Variants in PPHLN1 observed in about 807,000 individuals in gnomAD.
PPHLN1 encodes the protein periphilin-1.
PPHLN1 carries 29 observed loss-of-function variants against 51.3 expected under a neutral mutation model. The ratio of observed to expected loss-of-function variants is 0.57; its 90% confidence interval spans 0.42 to 0.77. PPHLN1 has a LOEUF of 0.77. Ranked by LOEUF, PPHLN1 falls within the 30% of genes least tolerant of loss-of-function variation. The pLI, the probability that PPHLN1 is intolerant of heterozygous loss-of-function variation, is 0.00. For missense variants in PPHLN1, 436 were observed against 438.4 expected, an observed-to-expected ratio of 0.99 and a Z score of 0.05; for synonymous variants, 147 against 147.8, an observed-to-expected ratio of 0.99 and a Z score of 0.04.
chr12:42,344,109 AAT>A (rs1201714850), intron 2 of PPHLN1, among the ~76,000 whole-genome samples: 1 of 152,090 alleles, frequency 6.6e-6, no homozygotes. Context: ...AGCAGGGTAT[AAT>A]ATATATATTA....
intron 4 of PPHLN1, 130 bp from the exon 5 acceptor site, chr12:42,374,733 C>T (rs530882903): frequency 2.5e-5 from 18 of 707,986 alleles, no homozygotes; most frequent in African/African-American, 7.3e-5. Context: ...GGATTACAGG[C>T]GTGAGTCACC....
chr12:42,337,751 T>TTTTTATTTTATTTTATTTTATTTTA lies in PPHLN1; in HGVS notation c.72+1786_72+1810dup, dbSNP rs567793160. Among the ~76,000 whole-genome samples, 21 of 142,366 alleles carry TTTTTATTTTATTTTATTTTATTTTA rather than the reference T, an allele frequency of 1.5e-4. No individual in the cohort carries two copies. The South Asian group carries it at 3.0e-3, about 20-fold the overall frequency. The allele number at this position is 142,366 out of a possible 152,430, so 93.4% of individuals were successfully genotyped here. Reference sequence around the variant, plus strand: ...GATTGCATGCCACCATACCTGGCTATTTTTATTTTATTTTATTTTATTTTA... The same window carrying TTTTTATTTTATTTTATTTTATTTTA: ...GATTGCATGCCACCATACCTGGCTATTTTTATTTTATTTTATTTTATTTTATTTTATTTTATTTTATTTTATTTTA... On this transcript the variant is annotated intron_variant, in intron 2 of 9. Transcript: ENST00000358314.
chr12:42,343,898 A>G (rs1483136374), intron 2 of PPHLN1: 1 of 447,300 alleles, frequency 2.2e-6, no homozygotes, highest in Admixed American at 2.5e-5. Flanking sequence ...ATTTCATTCA[A>G]GAATCAGTGA....
rs530658708 is a variant in PPHLN1, at chr12:42,341,645, C to T, written c.72+5671C>T. Among the ~76,000 whole-genome samples the T allele has an allele frequency of 4.0e-4, 61 of 151,808 alleles. 2 individuals carry two copies. The highest frequency in any genetic ancestry group is 1.4e-3 in the African/African-American group (58 of 41,354). On this transcript the variant is annotated intron_variant, in intron 2 of 9. Transcript: ENST00000358314. ...TTATTATTATTATTATTTTTTGAGGCGGAGTCTGGCTCTATCGCCCAGGCT... is the reference window on the plus strand; with the variant it reads ...TTATTATTATTATTATTTTTTGAGGTGGAGTCTGGCTCTATCGCCCAGGCT...
chr12:42,431,946 G>A (rs2082074078), intron 9 of PPHLN1: 3 of 1,503,190 alleles, frequency 2.0e-6, no homozygotes, highest in Non-Finnish European at 2.8e-6. Flanking sequence ...GATTAGTACT[G>A]TGATGAGATT....
At chr12:42,382,680 GGTTA>G (rs1196117516) in intron 5 of PPHLN1, among the ~76,000 whole-genome samples, 1 of 152,044 alleles carries the variant, frequency 6.6e-6, no homozygotes, top group Non-Finnish European at 1.5e-5. Context: ...AAAAGATTAA[GGTTA>G]GTAGCAACAC....
rs752603810 is a variant in PPHLN1, at chr12:42,390,596, C to CTG, written c.649-2971_649-2970dup. 2.6e-5 allele frequency among the ~76,000 whole-genome samples: 4 copies of CTG among 151,840 alleles called. No homozygotes were observed. In the South Asian group the frequency reaches 6.3e-4, roughly 24 times the overall value. ...TAGATCAAGCTTGATCTACATGCAA[C>CTG]TGTGGCCCAGGATGGCTTTGAATAC... On this transcript the variant is annotated intron_variant, in intron 7 of 9. Transcript: ENST00000358314.
At chr12:42,360,343 T>C (rs1227275536) in intron 4 of PPHLN1, among the ~76,000 whole-genome samples, 1 of 151,612 alleles carries the variant, frequency 6.6e-6, no homozygotes. Flanking sequence ...GGGCAAGTTT[T>C]TTTTTTTTCT....
At chr12:42,415,154 C>CATTTTT (rs1228598632) in intron 9 of PPHLN1, among the ~76,000 whole-genome samples, 1 of 152,084 alleles carries the variant, frequency 6.6e-6, no homozygotes, top group Non-Finnish European at 1.5e-5. Context: ...CAAAATCTGT[C>CATTTTT]ATTTTTATTT....
In PPHLN1 at chr12:42,431,297, T is replaced by A. The variant is rs184331286; in HGVS notation, c.910-10018T>A. On this transcript the variant is annotated intron_variant, in intron 9 of 9. Transcript: ENST00000358314. ...TAGTTTTCCTCAGATGAAGAAGTGG[T>A]TGCATATTAAAAATGTAACAAAAGC... 1.7e-3 allele frequency among the ~76,000 whole-genome samples: 256 copies of A among 152,320 alleles called. 3 individuals carry two copies. The highest frequency in any genetic ancestry group is 5.7e-3 in the African/African-American group (238 of 41,576).
At chr12:42,375,449 A>AT (rs1472716020) in intron 5 of PPHLN1, among the ~76,000 whole-genome samples, 1 of 151,300 alleles carries the variant, frequency 6.6e-6, no homozygotes. Context: ...GTAGCTGGGA[A>AT]TACAGGTGTG....
chr12:42,441,214 C>G (rs151164973), intron 9 of PPHLN1, 101 bp from the exon 10 acceptor site: 20 of 1,408,176 alleles, frequency 1.4e-5, no homozygotes, highest in Middle Eastern at 2.5e-4. Context: ...TTTTGTGTCT[C>G]TCTTTTAGAT....
chr12:42,369,604 G>A (rs1565850594), intron 4 of PPHLN1, among the ~76,000 whole-genome samples: 1 of 152,104 alleles, frequency 6.6e-6, no homozygotes, highest in African/African-American at 2.4e-5. Context: ...TGTGAAGTAG[G>A]TATTATTATT....
rs746462200 is a variant in PPHLN1 at position 42,375,081 on chromosome 12, A to G, written c.511+7A>G. 1.9e-6 allele frequency: 3 copies of G among 1,577,452 alleles called. No homozygotes were observed. The highest frequency in any genetic ancestry group is 2.6e-6 in the Non-Finnish European group (3 of 1,157,600). The stretch of plus-strand genomic sequence containing the variant: ...CATCAGTCTCAACATAGAAGTATGT[A>G]TTTTAAGACTTTATTTTTTTCTCTC... On this transcript the variant is annotated splice_region_variant and intron_variant, in intron 5 of 9. Transcript: ENST00000358314.
chr12:42,431,870 A>G, intron 9 of PPHLN1: 1 of 1,585,104 alleles, frequency 6.3e-7, no homozygotes, highest in Non-Finnish European at 8.7e-7. Context: ...GCTGTATCAG[A>G]TTCAGTCATT....
chr12:42,368,540 G>A (rs1461668224), intron 4 of PPHLN1, among the ~76,000 whole-genome samples: 2 of 152,118 alleles, frequency 1.3e-5, no homozygotes, highest in East Asian at 1.9e-4. Flanking sequence ...AGGTCAAAAG[G>A]CCATATATAA....
chr12:42,419,068 AC>A lies in PPHLN1; in HGVS notation c.909+20075del, dbSNP rs1381134383. On this transcript the variant is annotated intron_variant, in intron 9 of 9. Transcript: ENST00000358314. ...GTTAAAAATAAAATTTAAAATAAAA[AC>A]AAAGAAATTGGGGCTTTGAGTAGGG... Among the ~76,000 whole-genome samples the A allele has an allele frequency of 4.6e-5, 7 of 152,336 alleles. No individual in the cohort carries two copies. In the East Asian group the frequency reaches 1.3e-3, roughly 29 times the overall value.
chr12:42,407,653 G>T (rs1468915006), intron 9 of PPHLN1, among the ~76,000 whole-genome samples: 2 of 152,170 alleles, frequency 1.3e-5, no homozygotes, highest in Non-Finnish European at 2.9e-5. Context: ...AAAATCCATG[G>T]ATGCTCAAAT....
At chr12:42,404,236 A>G (rs1178613126) in intron 9 of PPHLN1, among the ~76,000 whole-genome samples, 1 of 152,136 alleles carries the variant, frequency 6.6e-6, no homozygotes, top group Non-Finnish European at 1.5e-5. Context: ...TTACTTCTTA[A>G]GAATATTTTA....
Sources: gnomAD v4.1 joint callset for allele counts (sites outside exome capture counted in the v4.1 genomes callset) on GRCh38, gnomAD v4.1.1 for gene constraint, MANE v1.5 for transcripts, NCBI Gene and HGNC (gene_info 2026-07-23, HGNC 2026-07-21) for gene names.